The following RPL35A variants were observed in gnomAD, a reference collection of about 807,000 sequenced individuals.
The protein encoded by RPL35A is ribosomal protein L35a.
Under a neutral mutation model 16.7 loss-of-function variants are expected in RPL35A, and 1 was observed. The ratio of observed to expected loss-of-function variants is 0.06; its 90% CI spans 0.02 to 0.28. The LOEUF is 0.28. Among genes scored for constraint, RPL35A ranks in the 10% least tolerant of loss-of-function variants. RPL35A has a pLI of 1.00. For missense variants in RPL35A, 91 were observed against 138.7 expected (o/e 0.66, Z 1.73); for synonymous variants, 58 against 47.0 (o/e 1.23, Z -0.96).
At chr3:197,951,628 C>A (rs748063428) in intron 3 of RPL35A, 2 of 364,056 alleles carry the variant, frequency 5.5e-6, no homozygotes, top group East Asian at 6.3e-5. Context: ...GCTGAGATTA[C>A]AGGCTTGAGC....
intron 3 of RPL35A, chr3:197,951,605 G>A (rs1253452561): frequency 6.6e-5 from 26 of 393,312 alleles, no homozygotes; most frequent in African/African-American, 4.7e-4. Context: ...CGCCCACCTC[G>A]GCCTCCCAAA....
Position 197,951,162 on chromosome 3 carries a change from G to A in RPL35A, c.15G>A (p.Leu5=). 1.2e-6 allele frequency: 2 copies of A among 1,614,134 alleles called. No homozygotes were observed. Among genetic ancestry groups the A allele is most frequent in the South Asian group, 1.1e-5 (1 of 91,080 alleles). MSGR[L]WSKAIFAGYK... ...TTGTGTATCTTTTGTGTCTTAGGCTGTGGTCCAAGGCCATTTTTGCTGGCT... is the reference window on the plus strand; with the variant it reads ...TTGTGTATCTTTTGTGTCTTAGGCTATGGTCCAAGGCCATTTTTGCTGGCT... Residue 5 remains leucine, a synonymous_variant, in exon 3 of 5, where the codon CTG becomes CTA. Transcript: ENST00000647248.
rs980272841 is a variant in RPL35A, at chr3:197,956,201, C to G, written c.*428C>G. 1 of 195,670 alleles carries G rather than the reference C, an allele frequency of 5.1e-6. No homozygotes were observed. Among genetic ancestry groups the G allele is most frequent in the Non-Finnish European group, 9.3e-6 (1 of 107,748 alleles). The allele number at this position is 195,670 out of a possible 1,614,324, so 12.1% of individuals were successfully genotyped here. ...CTCCTGGGCTCAAGCAATCCTCCTT[C>G]CTTGGCCTCTCCTGAAGTGCTGGGA... On this transcript the variant is annotated 3_prime_UTR_variant, in exon 5 of 5. Coordinates refer to ENST00000647248, the MANE Select transcript of RPL35A (RefSeq NM_000996.4).
intron 3 of RPL35A, 133 bp from the exon 4 acceptor site, chr3:197,953,870 G>A (rs1720321195): frequency 2.5e-6 from 2 of 807,204 alleles, no homozygotes; most frequent in Admixed American, 2.0e-5. Context: ...AATGAATGGT[G>A]TTCTAGGCAT....
Position 197,955,769 on chromosome 3 carries a change from T to G in RPL35A, c.329T>G (p.Ile110Ser). The change falls in exon 5 of 5, where the codon ATT becomes AGT. Residue 110 changes from isoleucine to serine, a missense_variant. By Grantham distance (142) the Ile-to-Ser change is moderately radical. Coordinates refer to ENST00000647248, the MANE Select transcript of RPL35A (RefSeq NM_000996.4). ...CTGCAGATGCTGTACCCCTCAAGGA[T>G]TTAAACTAACGAAAAATCAATAAAT... ...RIRVMLYPSR[I>S] 1.2e-6 allele frequency: 2 copies of G among 1,606,156 alleles called. No individual in the cohort carries two copies. The highest frequency in any genetic ancestry group is 8.5e-7 in the Non-Finnish European group (1 of 1,174,536).
In RPL35A at chr3:197,955,837, A is replaced by G; in HGVS notation, c.*64A>G. 1 of 1,305,840 alleles carries G rather than the reference A, an allele frequency of 7.7e-7. No homozygotes were observed. The highest frequency in any genetic ancestry group is 1.1e-6 in the Non-Finnish European group (1 of 902,136). The allele number at this position is 1,305,840 out of a possible 1,614,324, so 80.9% of individuals were successfully genotyped here. On this transcript the variant is annotated 3_prime_UTR_variant, in exon 5 of 5. Transcript: ENST00000647248. ...CTTGTATTTTTAAGTGGATTAAAAA[A>G]CTTACTACCTTAAATTGATTTGCTA...
chr3:197,951,285 A>G lies in RPL35A; in HGVS notation c.138A>G (p.Arg46=), dbSNP rs1348675711. ...AAACAGAATTCTATTTGGGCAAGAG[A>G]TGCGCTTATGTATATAAAGCAAAGA... ...RDETEFYLGK[R]CAYVYKAKNN... The change falls in exon 3 of 5, where the codon AGA becomes AGG. Residue 46 remains arginine, a synonymous_variant. Coordinates refer to ENST00000647248, the MANE Select transcript of RPL35A (RefSeq NM_000996.4). 3 of 1,613,972 alleles carry G rather than the reference A, an allele frequency of 1.9e-6. No homozygotes were observed. In the African/African-American group the frequency reaches 4.0e-5, roughly 22 times the overall value.
intron 3 of RPL35A, chr3:197,953,546 G>A: frequency 2.2e-6 from 1 of 457,118 alleles, no homozygotes; most frequent in Non-Finnish European, 4.4e-6. Flanking sequence ...ACACTCCTTG[G>A]CCCCAGTGCC....
In RPL35A at chr3:197,955,967, G is replaced by C. The variant is rs527646072; in HGVS notation, c.*194G>C. On this transcript the variant is annotated 3_prime_UTR_variant, in exon 5 of 5. Transcript: ENST00000647248. Reference sequence around the variant, plus strand: ...CGAGTACAGAGATTTAGAAGGGAACGGGTTTTAATGCGAGTATCTTTGACA... The same window carrying C: ...CGAGTACAGAGATTTAGAAGGGAACCGGTTTTAATGCGAGTATCTTTGACA... 1 of 587,644 alleles carries C rather than the reference G, an allele frequency of 1.7e-6. No homozygotes were observed. Among genetic ancestry groups the C allele is most frequent in the African/African-American group, 1.9e-5 (1 of 53,544 alleles). 36.4% of individuals were successfully genotyped at this position (587,644 alleles called of 1,614,324 possible).
At chr3:197,950,268 T>G (rs1581094697) in intron 1 of RPL35A, 47 bp downstream of exon 1, 2 of 1,230,176 alleles carry the variant, frequency 1.6e-6, no homozygotes, top group Non-Finnish European at 2.0e-6. Flanking sequence ...ATAACCGGAG[T>G]AGGTTTGTTC....
intron 4 of RPL35A, among the ~76,000 whole-genome samples, chr3:197,955,512 T>A (rs1007735160): frequency 2.0e-5 from 3 of 152,178 alleles, no homozygotes; most frequent in African/African-American, 7.2e-5. Context: ...TCTGCCCGCC[T>A]AGGCCTCCCA....
intron 3 of RPL35A, among the ~76,000 whole-genome samples, chr3:197,952,186 TTTG>T (rs1348639418): frequency 2.1e-5 from 3 of 141,956 alleles, no homozygotes; most frequent in Admixed American, 6.9e-5. Flanking sequence ...TTTTTTTTTT[TTTG>T]GAGACGGAGT....
In RPL35A at chr3:197,955,786, T is replaced by C. The variant is rs1372272453; in HGVS notation, c.*13T>C. 6 of 1,596,142 alleles carry C rather than the reference T, an allele frequency of 3.8e-6. No individual in the cohort carries two copies. Among genetic ancestry groups the C allele is most frequent in the Middle Eastern group, 4.5e-4 (2 of 4,416 alleles). ...CTCAAGGATTTAAACTAACGAAAAA[T>C]CAATAAATAAATGTGGATTTGTGCT... On this transcript the variant is annotated 3_prime_UTR_variant, in exon 5 of 5. Transcript: ENST00000647248.
Position 197,954,033 on chromosome 3 carries a change from C to T in RPL35A, c.195C>T (p.Asn65=). 1 of 1,613,606 alleles carries T rather than the reference C, an allele frequency of 6.2e-7. No homozygotes were observed. The highest frequency in any genetic ancestry group is 8.5e-7 in the Non-Finnish European group (1 of 1,180,006). ...NNTVTPGGKP[N]KTRVIWGKVT... ...CAGTCACTCCTGGCGGCAAACCAAA[C>T]AAAACCAGAGTCATCTGGGGAAAAG... is the stretch of plus-strand genomic sequence containing the variant. The change falls in exon 4 of 5, where the codon AAC becomes AAT. Residue 65 remains asparagine, a synonymous_variant. Coordinates refer to ENST00000647248, the MANE Select transcript of RPL35A (RefSeq NM_000996.4).
In RPL35A at chr3:197,956,152, A is replaced by C; in HGVS notation, c.*379A>C. On this transcript the variant is annotated 3_prime_UTR_variant, in exon 5 of 5. Transcript: ENST00000647248. ...TTAAATTTTTTGTAGAGAGGGTCTGACTCTTGCCTATGCTGGCTTCAAACT... is the reference window on the plus strand; with the variant it reads ...TTAAATTTTTTGTAGAGAGGGTCTGCCTCTTGCCTATGCTGGCTTCAAACT... 2 of 261,308 alleles carry C rather than the reference A, an allele frequency of 7.7e-6. No homozygotes were observed. Among genetic ancestry groups the C allele is most frequent in the South Asian group, 4.4e-5 (1 of 22,740 alleles). 16.2% of individuals were successfully genotyped at this position (261,308 alleles called of 1,614,324 possible).
At chr3:197,951,009 T>A in intron 2 of RPL35A, 31 bp downstream of exon 2, 5 of 1,610,674 alleles carry the variant, frequency 3.1e-6, no homozygotes, top group Non-Finnish European at 4.2e-6. Context: ...TCTTTATTTT[T>A]GTGTGTTAGA....
rs1581106619 is a variant in RPL35A at position 197,954,262 on chromosome 3, T to C, written c.309+115T>C. On this transcript the variant is annotated intron_variant, in intron 4 of 4. Transcript: ENST00000647248. ...TGAAATTGACACCAGTAAATTATGC[T>C]GCAAAATTTGTGTATTGCAGAACAC... 16 of 1,027,418 alleles carry C rather than the reference T, an allele frequency of 1.6e-5. No individual in the cohort carries two copies. The East Asian group carries it at 3.3e-4, about 21-fold the overall frequency. The allele number at this position is 1,027,418 out of a possible 1,614,324, so 63.6% of individuals were successfully genotyped here. A position where few individuals can be genotyped will look rare whatever the true frequency, so the allele number is the denominator to read the frequency against.
Position 197,951,325 on chromosome 3 carries a change from A to C in RPL35A, c.164+14A>C. The C allele has an allele frequency of 6.2e-7, 1 of 1,613,762 alleles. No homozygotes were observed. Among genetic ancestry groups the C allele is most frequent in the Non-Finnish European group, 8.5e-7 (1 of 1,179,700 alleles). ...TAAAGCAAAGAAGTAAGTTTATGAC[A>C]CTGGTAGGTTTTGGGTTTTTGAGAT... On this transcript the variant is annotated intron_variant, in intron 3 of 4. Transcript: ENST00000647248.
chr3:197,951,146 T>C lies in RPL35A; in HGVS notation c.12-13T>C. 1 of 1,614,098 alleles carries C rather than the reference T, an allele frequency of 6.2e-7. No homozygotes were observed. Among genetic ancestry groups the C allele is most frequent in the Non-Finnish European group, 8.5e-7 (1 of 1,180,024 alleles). On this transcript the variant is annotated splice_polypyrimidine_tract_variant and intron_variant, in intron 2 of 4. Transcript: ENST00000647248. ...AAGCTTATGTTTCATGTTGTGTATC[T>C]TTTGTGTCTTAGGCTGTGGTCCAAG...
Sources: gnomAD v4.1 joint callset for allele counts (sites outside exome capture counted in the v4.1 genomes callset) on GRCh38, gnomAD v4.1.1 for gene constraint, MANE v1.5 for transcripts, NCBI Gene and HGNC (gene_info 2026-07-23, HGNC 2026-07-21) for gene names.